VCAN: variants seen among roughly 807,000 people sequenced by gnomAD.
VCAN encodes the protein versican.
VCAN carries 44 observed loss-of-function variants against 245.5 expected under a neutral mutation model. The observed-to-expected ratio is 0.18, with a 90% confidence interval of 0.14 to 0.23. The LOEUF (loss-of-function observed/expected upper bound fraction) is 0.23, where lower values mean the gene tolerates loss of function less well. Ranked by LOEUF, VCAN falls within the 10% of genes least tolerant of loss-of-function variation. The probability of loss-of-function intolerance (pLI) is 1.00; values close to 1 mark genes in which losing one functional copy is unlikely to be tolerated. For synonymous variants in VCAN, 1,413 were observed against 1,437.0 expected (o/e 0.98, Z 0.38); for missense variants, 3,793 against 4,057.9 (o/e 0.93, Z 1.77).
At chr5:83,546,517 A>G (rs561219918) in intron 9 of VCAN, among the ~76,000 whole-genome samples, 151 of 151,356 alleles carry the variant, frequency 1.0e-3, no homozygotes, top group Non-Finnish European at 1.4e-3. Flanking sequence ...GCACTTTGGG[A>G]GGGCGAGGTG....
chr5:83,547,502 G>C (rs897429344), intron 9 of VCAN, among the ~76,000 whole-genome samples: 1 of 152,184 alleles, frequency 6.6e-6, no homozygotes, highest in Admixed American at 6.5e-5. Flanking sequence ...ATTTAGCAGA[G>C]TGATGGATAT....
rs761405097 is a variant in VCAN, at chr5:83,540,496, G to C, written c.7493G>C (p.Ser2498Thr). Residue 2498 changes from serine to threonine, a missense_variant, in exon 8 of 15, where the codon AGC becomes ACC. Transcript: ENST00000265077. ...CCTCTTCATTCAGAGCAGAACAAAA[G>C]CTCCCCTGATCCAACTAGCACACTG... ...MLPLHSEQNK[S>T]SPDPTSTLSN... 1 of 1,613,896 alleles carries C rather than the reference G, an allele frequency of 6.2e-7. No individual in the cohort carries two copies.
At position 83,539,440 on chromosome 5, in the gene VCAN, C is replaced by G. The variant is rs1345610059; in HGVS notation, c.6437C>G (p.Thr2146Ser). Residue 2146 changes from threonine to serine, a missense_variant, in exon 8 of 15, where the codon ACT (threonine) becomes AGT (serine). Physicochemically the swap from Thr to Ser is moderately conservative, Grantham distance 58. This residue lies in a region of VCAN where 3,182 missense variants were observed against 3,250.3 expected (regional missense o/e 0.98). Coordinates refer to ENST00000265077, the MANE Select transcript of VCAN (RefSeq NM_004385.5). The part of the protein sequence containing the change: ...EQTIFDSQTF[T>S]ETELKTTDYS... Reference sequence around the variant, plus strand: ...ACAATCTTTGATTCACAGACATTTACTGAAACTGAACTCAAAACCACAGAT... The same window carrying G: ...ACAATCTTTGATTCACAGACATTTAGTGAAACTGAACTCAAAACCACAGAT... The G allele has an allele frequency of 6.2e-7, 1 of 1,613,374 alleles. No individual in the cohort carries two copies. The highest frequency in any genetic ancestry group is 1.3e-5 in the African/African-American group (1 of 74,808).
chr5:83,580,041 T>C lies in VCAN; in HGVS notation c.9942T>C (p.Arg3314=). 6.2e-7 allele frequency: 1 copy of C among 1,614,142 alleles called. No homozygotes were observed. ...AGACCTTTGGAAAGATGAAACCTCGTTATGAAATCAACTCCCTGATTAGAT... is the reference window on the plus strand; with the variant it reads ...AGACCTTTGGAAAGATGAAACCTCGCTATGAAATCAACTCCCTGATTAGAT... ...NAKTFGKMKP[R]YEINSLIRYH... is the part of the protein sequence containing the mutation. Residue 3314 remains arginine, a synonymous_variant, in exon 14 of 15, where the codon CGT becomes CGC. Transcript: ENST00000265077.
chr5:83,517,453 T>C (rs900175447), intron 6 of VCAN, among the ~76,000 whole-genome samples: 1 of 151,594 alleles, frequency 6.6e-6, no homozygotes, highest in African/African-American at 2.4e-5. Flanking sequence ...TTGCTAAGTA[T>C]TTATATTATG....
At chr5:83,476,693 G>T (rs1341228078) in intron 1 of VCAN, among the ~76,000 whole-genome samples, 1 of 151,676 alleles carries the variant, frequency 6.6e-6, no homozygotes, top group East Asian at 1.9e-4. Flanking sequence ...TGGGGGGTGC[G>T]TGTGTGTGTG....
intron 12 of VCAN, among the ~76,000 whole-genome samples, chr5:83,568,241 C>T (rs1375211102): frequency 1.3e-5 from 2 of 152,032 alleles, no homozygotes; most frequent in Non-Finnish European, 2.9e-5. Context: ...TTTGCTAAGT[C>T]AGTTTGGCAA....
chr5:83,506,098 C>T (rs1745474714), intron 5 of VCAN, among the ~76,000 whole-genome samples: 1 of 152,222 alleles, frequency 6.6e-6, no homozygotes, highest in Admixed American at 6.5e-5. Context: ...ATGGGAGTGG[C>T]TGCTGTGAAG....
At chr5:83,473,938 G>A (rs1347684487) in intron 1 of VCAN, among the ~76,000 whole-genome samples, 1 of 152,184 alleles carries the variant, frequency 6.6e-6, no homozygotes, top group East Asian at 1.9e-4. Flanking sequence ...CTTCTCGCGA[G>A]TCGGCTGGAA....
chr5:83,578,799 ATATTTAAGTTACAT>A (rs1050186247), intron 13 of VCAN, among the ~76,000 whole-genome samples: 3 of 152,180 alleles, frequency 2.0e-5, no homozygotes, highest in Admixed American at 1.3e-4. Context: ...AGGGAAAATT[ATATTTAAGTTACAT>A]TTGTATTAAA....
intron 13 of VCAN, among the ~76,000 whole-genome samples, chr5:83,575,320 T>C (rs1000314825): frequency 2.0e-5 from 3 of 152,214 alleles, no homozygotes; most frequent in African/African-American, 4.8e-5. Context: ...CATGAGAAGC[T>C]TTCCTGACCA....
intron 7 of VCAN, among the ~76,000 whole-genome samples, chr5:83,529,035 TAC>T (rs1313632754): frequency 8.5e-6 from 1 of 117,004 alleles, no homozygotes; most frequent in African/African-American, 3.0e-5. Flanking sequence ...CATATATGTA[TAC>T]ACACATATAT....
intron 12 of VCAN, among the ~76,000 whole-genome samples, chr5:83,563,777 G>A (rs1047766317): frequency 6.6e-6 from 1 of 152,092 alleles, no homozygotes; most frequent in Non-Finnish European, 1.5e-5. Flanking sequence ...CTTACTGCAG[G>A]TGTCATGTTT....
intron 1 of VCAN, among the ~76,000 whole-genome samples, chr5:83,477,391 A>T (rs1038579434): frequency 3.9e-5 from 6 of 152,212 alleles, no homozygotes; most frequent in Non-Finnish European, 7.4e-5. Flanking sequence ...TTGGACATTC[A>T]GTGGAAAGGA....
intron 10 of VCAN, among the ~76,000 whole-genome samples, chr5:83,548,432 A>G (rs902481530): frequency 3.3e-5 from 5 of 152,202 alleles, no homozygotes; most frequent in African/African-American, 1.2e-4. Context: ...TTCTCCTCCT[A>G]AGCACTTGAG....
intron 2 of VCAN, among the ~76,000 whole-genome samples, chr5:83,485,538 A>G (rs1287547684): frequency 6.6e-6 from 1 of 152,186 alleles, no homozygotes; most frequent in Non-Finnish European, 1.5e-5. Flanking sequence ...ATTTGATTGT[A>G]GGAAAGCAAG....
intron 2 of VCAN, among the ~76,000 whole-genome samples, chr5:83,484,311 C>A (rs1422735304): frequency 1.3e-5 from 2 of 152,106 alleles, no homozygotes; most frequent in Non-Finnish European, 2.9e-5. Context: ...ATTCATTACC[C>A]CTCCATCCAT....
intron 7 of VCAN, among the ~76,000 whole-genome samples, chr5:83,534,961 C>T (rs59364415): frequency 0.025 from 3,820 of 152,036 alleles, 151 homozygotes; most frequent in African/African-American, 0.084. Context: ...ACCATGGGTA[C>T]TATATATAAG....
chr5:83,545,690 A>G (rs2112457325), intron 9 of VCAN, 40 bp downstream of exon 9: 1 of 1,449,024 alleles, frequency 6.9e-7, no homozygotes, highest in South Asian at 1.1e-5. Flanking sequence ...GTTCTTTCAC[A>G]GAAGATATAT....
Sources: allele counts gnomAD v4.1 joint callset (sites outside exome capture counted in the v4.1 genomes callset), GRCh38; gene constraint gnomAD v4.1.1; regional missense constraint gnomAD v4.1.1; transcripts MANE v1.5; gene names NCBI Gene and HGNC (gene_info 2026-07-23, HGNC 2026-07-21).